The following LRRC7 variants were observed in gnomAD, a reference collection of about 807,000 sequenced individuals.
LRRC7 encodes leucine-rich repeat-containing protein 7.
A neutral mutation model predicts 175.7 loss-of-function variants in LRRC7; 23 were observed. That is an observed-to-expected ratio of 0.13 (90% CI 0.09 to 0.19). The LOEUF (loss-of-function observed/expected upper bound fraction) is 0.19. Among genes scored for constraint, LRRC7 ranks in the 10% least tolerant of loss-of-function variants. The pLI is 1.00. For synonymous variants in LRRC7, 685 were observed against 680.9 expected, an observed-to-expected ratio of 1.01 and a Z score of -0.09; for missense variants, 1,354 against 1,904.7, an observed-to-expected ratio of 0.71 and a Z score of 5.38.
chr1:69,984,735 T>A (rs1025880190), intron 9 of LRRC7, among the ~76,000 whole-genome samples: 2 of 152,178 alleles, frequency 1.3e-5, no homozygotes, highest in Admixed American at 6.5e-5. Context: ...TACTTCTATA[T>A]CCCTCTAACA....
intron 7 of LRRC7, among the ~76,000 whole-genome samples, chr1:69,902,673 C>G (rs188136174): frequency 9.2e-5 from 14 of 152,298 alleles, no homozygotes; most frequent in Non-Finnish European, 2.9e-5. Flanking sequence ...GTTTTGTCCA[C>G]ATGATAAAAA....
At chr1:69,783,562 G>C (rs1569832017) in intron 3 of LRRC7, among the ~76,000 whole-genome samples, 1 of 151,958 alleles carries the variant, frequency 6.6e-6, no homozygotes, top group Middle Eastern at 3.4e-3. Context: ...TTCAAGAGCA[G>C]CAACATGGCG....
chr1:69,754,225 T>C (rs1172537874), intron 2 of LRRC7, among the ~76,000 whole-genome samples: 1 of 152,056 alleles, frequency 6.6e-6, no homozygotes. Context: ...ATAATCATAT[T>C]TGTGTTTTCA....
intron 1 of LRRC7, among the ~76,000 whole-genome samples, chr1:69,617,547 TAA>T (rs11473590): frequency 4.4e-4 from 27 of 62,002 alleles, no homozygotes; most frequent in South Asian, 1.5e-3. Flanking sequence ...ATACTCACAG[TAA>T]AAAAAAAAAA....
At chr1:69,716,046 C>A (rs1665312450) in intron 2 of LRRC7, 1 of 390,606 alleles carries the variant, frequency 2.6e-6, no homozygotes, top group Admixed American at 4.5e-5. Flanking sequence ...TTAAGCTCTT[C>A]ACATTCCATT....
chr1:69,693,738 C>T (rs1662202938), intron 2 of LRRC7, among the ~76,000 whole-genome samples: 1 of 152,168 alleles, frequency 6.6e-6, no homozygotes, highest in Non-Finnish European at 1.5e-5. Context: ...ATTAGCATCA[C>T]AAGTGTCTTT....
intron 1 of LRRC7, among the ~76,000 whole-genome samples, chr1:69,652,977 G>T (rs2100493636): frequency 6.6e-6 from 1 of 152,036 alleles, no homozygotes; most frequent in Admixed American, 6.6e-5. Context: ...AAGATAAGAT[G>T]GGAAACCATA....
chr1:70,058,418 A>T (rs916473673), intron 23 of LRRC7, among the ~76,000 whole-genome samples: 2 of 152,248 alleles, frequency 1.3e-5, no homozygotes, highest in African/African-American at 4.8e-5. Context: ...AGGCAGTATT[A>T]TATGAATACT....
intron 1 of LRRC7, among the ~76,000 whole-genome samples, chr1:69,569,362 C>T (rs1438085167): frequency 6.6e-6 from 1 of 151,978 alleles, no homozygotes; most frequent in South Asian, 2.1e-4. Flanking sequence ...TTGTGTGGCA[C>T]GAGAAGCTGG....
chr1:70,141,644 G>A lies in LRRC7; in HGVS notation c.*19757G>A, dbSNP rs993806673. On this transcript the variant is annotated 3_prime_UTR_variant, in exon 27 of 27. Transcript: ENST00000651989. ...GTTAAGAAAATTATCAAATGTAAATGATCCCTTTTTTGCTGGATCTTATAA... is the reference window on the plus strand; with the variant it reads ...GTTAAGAAAATTATCAAATGTAAATAATCCCTTTTTTGCTGGATCTTATAA... 4 of 152,106 alleles carry A rather than the reference G, an allele frequency of 2.6e-5. No homozygotes were observed. Among genetic ancestry groups the A allele is most frequent in the Admixed American group, 6.6e-5 (1 of 15,260 alleles). The allele number at this position is 152,106 out of a possible 1,614,324, so 9.4% of individuals were successfully genotyped here. A position where few individuals can be genotyped will look rare whatever the true frequency, so the allele number is the denominator to read the frequency against.
At position 69,664,103 on chromosome 1, in the gene LRRC7, TTCC is replaced by T. The variant is rs1371454232; in HGVS notation, c.3-14277_3-14275del. Among the ~76,000 whole-genome samples, 3 of 152,192 alleles carry T rather than the reference TTCC, an allele frequency of 2.0e-5. No individual in the cohort carries two copies. The East Asian group carries it at 5.8e-4, about 29-fold the overall frequency. ...TTTCACTTAACATAATGACTACCAG[TTCC>T]CTCCATGTTGTTGTAAATGACAGGA... On this transcript the variant is annotated intron_variant, in intron 1 of 26. Coordinates refer to ENST00000651989, the MANE Select transcript of LRRC7 (RefSeq NM_001370785.2).
chr1:70,083,383 C>G (rs920216562), intron 24 of LRRC7, among the ~76,000 whole-genome samples: 1 of 152,120 alleles, frequency 6.6e-6, no homozygotes, highest in Non-Finnish European at 1.5e-5. Context: ...GCATAGCACT[C>G]TTTATCATAA....
intron 1 of LRRC7, among the ~76,000 whole-genome samples, chr1:69,587,363 C>G (rs984119597): frequency 6.6e-6 from 1 of 152,168 alleles, no homozygotes; most frequent in Admixed American, 6.5e-5. Context: ...CCAGTGGGCC[C>G]TGAGTGGACC....
Position 69,614,879 on chromosome 1 carries a change from A to G in LRRC7, c.2+46238A>G, listed in dbSNP as rs1649370573. On this transcript the variant is annotated intron_variant, in intron 1 of 26. Coordinates refer to ENST00000651989, the MANE Select transcript of LRRC7 (RefSeq NM_001370785.2). ...TTTACAGACTAGGCATGGGTTCTAGAAAAAGTCTCTCAGTGTGACATATAG... is the reference window on the plus strand; with the variant it reads ...TTTACAGACTAGGCATGGGTTCTAGGAAAAGTCTCTCAGTGTGACATATAG... Among the ~76,000 whole-genome samples, 3 of 152,064 alleles carry G rather than the reference A, an allele frequency of 2.0e-5. No homozygotes were observed. The South Asian group carries it at 6.2e-4, about 31-fold the overall frequency.
At chr1:69,924,771 C>T (rs542575898) in intron 7 of LRRC7, among the ~76,000 whole-genome samples, 1 of 152,270 alleles carries the variant, frequency 6.6e-6, no homozygotes, top group Non-Finnish European at 1.5e-5. Flanking sequence ...TTCCTCTTTT[C>T]CTAATTGGAT....
At chr1:69,933,313 C>T (rs915479039) in intron 8 of LRRC7, among the ~76,000 whole-genome samples, 4 of 152,108 alleles carry the variant, frequency 2.6e-5, no homozygotes, top group African/African-American at 9.7e-5. Flanking sequence ...GGCAAGAGTA[C>T]CTCATAAATA....
intron 8 of LRRC7, among the ~76,000 whole-genome samples, chr1:69,963,720 G>A (rs772191452): frequency 7.2e-5 from 11 of 152,138 alleles, no homozygotes; most frequent in African/African-American, 1.2e-4. Flanking sequence ...AGATTCAGAC[G>A]AAGTCACCAA....
intron 2 of LRRC7, among the ~76,000 whole-genome samples, chr1:69,688,248 G>C (rs1661420017): frequency 6.6e-6 from 1 of 152,174 alleles, no homozygotes. Context: ...GGGTTCATTT[G>C]TTTAGTAGAT....
At chr1:69,625,501 C>T (rs937557341) in intron 1 of LRRC7, among the ~76,000 whole-genome samples, 9 of 140,356 alleles carry the variant, frequency 6.4e-5, no homozygotes, top group African/African-American at 2.4e-4. Context: ...CTATTTCCCA[C>T]CTTCCTATAT....
Sources: allele counts gnomAD v4.1 joint callset (sites outside exome capture counted in the v4.1 genomes callset), GRCh38; gene constraint gnomAD v4.1.1; transcripts MANE v1.5; gene names NCBI Gene and HGNC (gene_info 2026-07-23, HGNC 2026-07-21).